The following PLD1 variants were observed in gnomAD, a reference collection of about 807,000 sequenced individuals.
The protein encoded by PLD1 is phospholipase D1, also known as choline phosphatase 1.
PLD1 carries 112 observed loss-of-function variants against 137.1 expected under a neutral mutation model. The ratio of observed to expected loss-of-function variants is 0.82; its 90% CI spans 0.70 to 0.96. The LOEUF (loss-of-function observed/expected upper bound fraction) is 0.96. Ranked by LOEUF, PLD1 falls within the 40% of genes least tolerant of loss-of-function variation. PLD1 has a pLI of 0.00. For synonymous variants in PLD1, 431 were observed against 454.7 expected (o/e 0.95, Z 0.66); for missense variants, 1,321 against 1,342.0 (o/e 0.98, Z 0.24).
chr3:171,669,325 A>G (rs1419957110), intron 19 of PLD1, among the ~76,000 whole-genome samples: 2 of 152,210 alleles, frequency 1.3e-5, no homozygotes, highest in Non-Finnish European at 2.9e-5. Flanking sequence ...ATTCCAATAG[A>G]TTTATGGCAT....
At chr3:171,607,062 T>C (rs77887879) in intron 25 of PLD1, among the ~76,000 whole-genome samples, 11,389 of 152,314 alleles carry the variant, frequency 0.075, 595 homozygotes, top group Middle Eastern at 0.16. Context: ...GTCTGCACTT[T>C]TTCCACTGTA....
At chr3:171,690,942 T>G (rs990397837) in intron 13 of PLD1, among the ~76,000 whole-genome samples, 1 of 152,224 alleles carries the variant, frequency 6.6e-6, no homozygotes, top group Non-Finnish European at 1.5e-5. Context: ...CTCCAACTAT[T>G]ATCATAGACT....
intron 21 of PLD1, among the ~76,000 whole-genome samples, chr3:171,652,339 G>A (rs1736840656): frequency 6.6e-6 from 1 of 151,448 alleles, no homozygotes; most frequent in Non-Finnish European, 1.5e-5. Flanking sequence ...CGTGAACCCA[G>A]GAGGTGGAGT....
chr3:171,742,581 TA>T (rs1182081549), intron 1 of PLD1, among the ~76,000 whole-genome samples: 6 of 151,514 alleles, frequency 4.0e-5, no homozygotes, highest in South Asian at 2.1e-4. Flanking sequence ...TGTATGAACG[TA>T]AAAAAAAATT....
intron 23 of PLD1, among the ~76,000 whole-genome samples, chr3:171,639,377 A>C (rs1457786117): frequency 5.9e-4 from 77 of 130,612 alleles, no homozygotes; most frequent in African/African-American, 2.2e-3. Flanking sequence ...ATAGATGGAT[A>C]TATAAATATA....
intron 21 of PLD1, 74 bp from the exon 22 acceptor site, chr3:171,645,097 G>A (rs1736094723): frequency 7.5e-6 from 7 of 933,076 alleles, no homozygotes; most frequent in East Asian, 7.2e-5. Flanking sequence ...CAGCCAAGCA[G>A]TTCACATGGT....
At position 171,747,192 on chromosome 3, in the gene PLD1, G is replaced by T. The variant is rs149646808; in HGVS notation, c.-31-9110C>A. 2.0e-5 allele frequency among the ~76,000 whole-genome samples: 3 copies of T among 152,266 alleles called. No individual in the cohort carries two copies. In the East Asian group the frequency reaches 5.8e-4, roughly 29 times the overall value. ...TCCGGACACACCATCTTTAAGAACT[G>T]TAACACTTACCACAAGGGTCTGCGG... is the stretch of plus-strand genomic sequence containing the variant. On this transcript the variant is annotated intron_variant, in intron 1 of 26. Transcript: ENST00000351298.
Position 171,714,016 on chromosome 3 carries a change from A to T in PLD1, c.788T>A (p.Leu263Ter). Residue 263 changes from leucine to a stop codon, truncating the protein, a stop_gained, in exon 9 of 27, where the codon TTG becomes TAG. Transcript: ENST00000351298. LOFTEE classifies it high-confidence loss of function. The stretch of plus-strand genomic sequence containing the variant: ...GGCACCGCTGTCTGGTTTCATATAC[A>T]ATAAAAAGGAATCTTTCACTATTAA... ...RWLIVKDSFLLYMKPDSGAIA... is the reference protein window; with the variant it reads ...RWLIVKDSFL The T allele has an allele frequency of 6.2e-7, 1 of 1,607,026 alleles. No homozygotes were observed. The highest frequency in any genetic ancestry group is 8.5e-7 in the Non-Finnish European group (1 of 1,173,842).
In PLD1 at chr3:171,645,052, C is replaced by T. The variant is rs573363904; in HGVS notation, c.2430-29G>A. On this transcript the variant is annotated intron_variant, in intron 21 of 26. Transcript: ENST00000351298. ...CAAAGGTCAGATGCAGAGAAATTCA[C>T]CCAAAAAATAAAAGGTAGTATCAAT... The T allele has an allele frequency of 2.8e-6, 4 of 1,429,118 alleles. No individual in the cohort carries two copies. The South Asian group carries it at 3.4e-5, about 12-fold the overall frequency. The allele number at this position is 1,429,118 out of a possible 1,614,324, so 88.5% of individuals were successfully genotyped here. A position where few individuals can be genotyped will look rare whatever the true frequency, so the allele number is the denominator to read the frequency against.
At chr3:171,687,304 A>G in intron 15 of PLD1, 67 bp downstream of exon 15, 1 of 1,260,562 alleles carries the variant, frequency 7.9e-7, no homozygotes, top group Non-Finnish European at 1.2e-6. Context: ...AAAAACAGGT[A>G]TGTAGTGTCT....
intron 21 of PLD1, among the ~76,000 whole-genome samples, chr3:171,656,139 G>A (rs529430199): frequency 1.1e-5 from 1 of 93,506 alleles, no homozygotes; most frequent in Admixed American, 1.0e-4. Context: ...GTTTCTTGTA[G>A]CCCTAAAATA....
intron 13 of PLD1, 127 bp downstream of exon 13, chr3:171,692,205 C>T: frequency 1.8e-6 from 1 of 564,268 alleles, no homozygotes; most frequent in Non-Finnish European, 3.2e-6. Context: ...TTTCTGAGGA[C>T]ACAATGCTAT....
intron 19 of PLD1, among the ~76,000 whole-genome samples, chr3:171,673,891 T>C (rs115458505): frequency 0.011 from 1,626 of 150,796 alleles, 36 homozygotes; most frequent in African/African-American, 0.039. Context: ...TGAGCTGTAG[T>C]TGGTAAAGGA....
chr3:171,793,333 T>A (rs1723296472), intron 1 of PLD1: 1 of 152,114 alleles, frequency 6.6e-6, no homozygotes, highest in Non-Finnish European at 1.5e-5. Flanking sequence ...AATTAAAATA[T>A]TAAAAATTGA....
chr3:171,775,842 C>CA (rs1353683791), intron 1 of PLD1, among the ~76,000 whole-genome samples: 1 of 150,066 alleles, frequency 6.7e-6, no homozygotes, highest in Non-Finnish European at 1.5e-5. Context: ...CACTCTGTCT[C>CA]AAAATAAGTA....
chr3:171,608,927 C>T (rs1308721472), intron 25 of PLD1, among the ~76,000 whole-genome samples: 1 of 151,984 alleles, frequency 6.6e-6, no homozygotes, highest in Non-Finnish European at 1.5e-5. Context: ...TGAAAAATTT[C>T]CCCCAAATTC....
chr3:171,629,826 C>T (rs890534111), intron 23 of PLD1, among the ~76,000 whole-genome samples: 2 of 152,208 alleles, frequency 1.3e-5, no homozygotes, highest in Non-Finnish European at 2.9e-5. Flanking sequence ...AAAGCTGAAA[C>T]TGGATCCCTT....
At chr3:171,630,745 T>A (rs1734586439) in intron 23 of PLD1, among the ~76,000 whole-genome samples, 1 of 149,506 alleles carries the variant, frequency 6.7e-6, no homozygotes, top group Non-Finnish European at 1.5e-5. Flanking sequence ...ATCACCATTC[T>A]CAGTAAACTA....
chr3:171,664,758 C>T lies in PLD1; in HGVS notation c.2230-2588G>A, dbSNP rs371321486. ...ACAGGCGTGAGCCACCACGCCCGGCCGGAATCTCCATGATGTTTAAATGAC... is the reference window on the plus strand; with the variant it reads ...ACAGGCGTGAGCCACCACGCCCGGCTGGAATCTCCATGATGTTTAAATGAC... On this transcript the variant is annotated intron_variant, in intron 19 of 26. Coordinates refer to ENST00000351298, the MANE Select transcript of PLD1 (RefSeq NM_002662.5). Among the ~76,000 whole-genome samples, 98 of 152,244 alleles carry T rather than the reference C, an allele frequency of 6.4e-4. No individual in the cohort carries two copies. In the South Asian group the frequency reaches 0.018, roughly 27 times the overall value.
Sources: gnomAD v4.1 joint callset for allele counts (sites outside exome capture counted in the v4.1 genomes callset) on GRCh38, gnomAD v4.1.1 for gene constraint, MANE v1.5 for transcripts, NCBI Gene and HGNC (gene_info 2026-07-23, HGNC 2026-07-21) for gene names.